The following FRMD4A variants were observed in gnomAD, a reference collection of about 807,000 sequenced individuals.
FRMD4A encodes FERM domain-containing protein 4A.
A neutral mutation model predicts 129.1 loss-of-function variants in FRMD4A; 29 were observed. The observed-to-expected ratio is 0.22, with a 90% CI of 0.17 to 0.31. FRMD4A has a LOEUF of 0.31. Ranked by LOEUF, FRMD4A falls within the 10% of genes least tolerant of loss-of-function variation. The pLI is 1.00. For missense variants in FRMD4A, 1,272 were observed against 1,375.8 expected (o/e 0.92, Z 1.19); for synonymous variants, 634 against 571.6 (o/e 1.11, Z -1.56).
chr10:13,776,400 T>A (rs1268257813), intron 6 of FRMD4A, among the ~76,000 whole-genome samples: 2 of 152,230 alleles, frequency 1.3e-5, no homozygotes, highest in Non-Finnish European at 2.9e-5. Flanking sequence ...TGTGAACCAC[T>A]GTGCCTGGCC....
intron 2 of FRMD4A, among the ~76,000 whole-genome samples, chr10:14,112,453 A>C (rs571976371): frequency 6.6e-6 from 1 of 152,334 alleles, no homozygotes; most frequent in African/African-American, 2.4e-5. Context: ...AATAGCTTTC[A>C]AGAGATAACA....
intron 2 of FRMD4A, among the ~76,000 whole-genome samples, chr10:14,094,187 A>G (rs561734444): frequency 2.0e-5 from 3 of 152,350 alleles, no homozygotes; most frequent in Non-Finnish European, 4.4e-5. Context: ...AGAACCAAGG[A>G]CTGTTCCCTT....
chr10:13,736,329 T>C (rs1462585269), intron 12 of FRMD4A, among the ~76,000 whole-genome samples: 1 of 152,016 alleles, frequency 6.6e-6, no homozygotes, highest in African/African-American at 2.4e-5. Flanking sequence ...ATCCCACAAT[T>C]GAGGAACACA....
intron 15 of FRMD4A, among the ~76,000 whole-genome samples, chr10:13,690,655 T>G (rs1202684496): frequency 6.6e-6 from 1 of 152,144 alleles, no homozygotes; most frequent in African/African-American, 2.4e-5. Context: ...TCTCACCTTC[T>G]CACCAGGGTT....
chr10:13,986,563 G>T (rs572456030), intron 2 of FRMD4A, among the ~76,000 whole-genome samples: 19 of 144,690 alleles, frequency 1.3e-4, no homozygotes, highest in African/African-American at 4.8e-4. Context: ...CGAGTTAATG[G>T]GTGCAGCACA....
In FRMD4A at chr10:14,305,814, G is replaced by C. The variant is rs577866433; in HGVS notation, c.45+24244C>G. 3.9e-5 allele frequency among the ~76,000 whole-genome samples: 6 copies of C among 152,236 alleles called. No individual in the cohort carries two copies. In the East Asian group the frequency reaches 1.2e-3, roughly 29 times the overall value. ...TGCTGCCATAAAAAAGAAAGAGATC[G>C]TATCCTTTGCGAGGACATGGATGGA... On this transcript the variant is annotated intron_variant, in intron 2 of 24. Transcript: ENST00000357447.
intron 2 of FRMD4A, among the ~76,000 whole-genome samples, chr10:14,030,419 T>C (rs1469394632): frequency 1.3e-5 from 2 of 152,252 alleles, no homozygotes; most frequent in African/African-American, 4.8e-5. Context: ...TTGTCCGTGA[T>C]ATCTCCATAA....
At chr10:14,212,219 T>C (rs1842951919) in intron 2 of FRMD4A, among the ~76,000 whole-genome samples, 1 of 152,104 alleles carries the variant, frequency 6.6e-6, no homozygotes, top group Non-Finnish European at 1.5e-5. Context: ...CCAGTGGCAC[T>C]GAGGACTGCA....
intron 2 of FRMD4A, among the ~76,000 whole-genome samples, chr10:14,154,161 C>G (rs1447438865): frequency 6.6e-6 from 1 of 152,266 alleles, no homozygotes; most frequent in African/African-American, 2.4e-5. Context: ...CTCTAGACTT[C>G]AAGGTCTAGG....
chr10:14,186,096 C>G (rs1842137621), intron 2 of FRMD4A, among the ~76,000 whole-genome samples: 2 of 151,258 alleles, frequency 1.3e-5, no homozygotes, highest in Admixed American at 1.3e-4. Context: ...GACAAAGACA[C>G]CAATGACTAA....
chr10:14,023,419 A>G (rs1395820160), intron 2 of FRMD4A, among the ~76,000 whole-genome samples: 1 of 152,186 alleles, frequency 6.6e-6, no homozygotes, highest in African/African-American at 2.4e-5. Context: ...GTGATGTACT[A>G]TAAAGAAAGC....
At position 14,067,241 on chromosome 10, in the gene FRMD4A, A is replaced by C. The variant is rs143465493; in HGVS notation, c.46-208329T>G. ...TGAGGCAGGAGAATCGCTTGAACCCAGGAGGTAGGGGCTGCAGTGAGCCGA... is the reference window on the plus strand; with the variant it reads ...TGAGGCAGGAGAATCGCTTGAACCCCGGAGGTAGGGGCTGCAGTGAGCCGA... On this transcript the variant is annotated intron_variant, in intron 2 of 24. Coordinates refer to ENST00000357447, the MANE Select transcript of FRMD4A (RefSeq NM_018027.5). Among the ~76,000 whole-genome samples, 1,405 of 151,602 alleles carry C rather than the reference A, an allele frequency of 9.3e-3. 85 individuals are homozygous for C. The East Asian group carries it at 0.16, about 18-fold the overall frequency.
intron 2 of FRMD4A, among the ~76,000 whole-genome samples, chr10:14,275,150 C>G (rs989043557): frequency 6.6e-6 from 1 of 152,180 alleles, no homozygotes. Context: ...GGGTGTCAGG[C>G]TCTCTGTCCC....
chr10:14,062,818 C>T (rs75470244), intron 2 of FRMD4A, among the ~76,000 whole-genome samples: 212 of 152,280 alleles, frequency 1.4e-3, no homozygotes, highest in Non-Finnish European at 1.2e-3. Context: ...AATTCCAGCA[C>T]TTTGGGAGGT....
intron 2 of FRMD4A, among the ~76,000 whole-genome samples, chr10:14,177,324 C>A (rs1404634511): frequency 1.3e-5 from 2 of 151,996 alleles, no homozygotes; most frequent in African/African-American, 4.8e-5. Flanking sequence ...CAGCCTCCAC[C>A]ATGCCCAGCT....
At chr10:13,662,783 C>T (rs141134212) in intron 19 of FRMD4A, among the ~76,000 whole-genome samples, 1,537 of 152,284 alleles carry the variant, frequency 0.01, 12 homozygotes, top group Non-Finnish European at 0.014. Flanking sequence ...TTTCTTCTCA[C>T]GATCCTTACA....
chr10:14,215,442 T>C (rs535064837), intron 2 of FRMD4A, among the ~76,000 whole-genome samples: 1 of 152,340 alleles, frequency 6.6e-6, no homozygotes, highest in African/African-American at 2.4e-5. Context: ...GACTATAGAA[T>C]GCCTAATCTT....
intron 2 of FRMD4A, among the ~76,000 whole-genome samples, chr10:14,118,661 T>A (rs549597682): frequency 6.6e-6 from 1 of 152,130 alleles, no homozygotes; most frequent in Non-Finnish European, 1.5e-5. Context: ...AAGAGCAAAG[T>A]CATGTCTTAC....
At chr10:13,915,204 C>T (rs1298199321) in intron 2 of FRMD4A, among the ~76,000 whole-genome samples, 1 of 152,174 alleles carries the variant, frequency 6.6e-6, no homozygotes. Context: ...AGGAAGTGTT[C>T]AGGTCCAGCT....
Sources: gnomAD v4.1 joint callset for allele counts (sites outside exome capture counted in the v4.1 genomes callset) on GRCh38, gnomAD v4.1.1 for gene constraint, MANE v1.5 for transcripts, NCBI Gene and HGNC (gene_info 2026-07-23, HGNC 2026-07-21) for gene names.